CADM2: variants seen among roughly 807,000 people sequenced by gnomAD.
CADM2 encodes the protein cell adhesion molecule 2.
CADM2 carries 12 observed loss-of-function variants against 49.8 expected under a neutral mutation model. The observed-to-expected ratio is 0.24, with a 90% CI of 0.15 to 0.39. CADM2 has a LOEUF of 0.39. Ranked by LOEUF, CADM2 falls within the 10% of genes least tolerant of loss-of-function variation. CADM2 has a pLI of 1.00. For missense variants in CADM2, 378 were observed against 492.3 expected, an observed-to-expected ratio of 0.77 and a Z score of 2.20; for synonymous variants, 214 against 175.4, an observed-to-expected ratio of 1.22 and a Z score of -1.74.
Position 85,655,243 on chromosome 3 carries a change from C to T in CADM2, c.62-71279C>T, listed in dbSNP as rs535355871. Among the ~76,000 whole-genome samples, 16 of 152,144 alleles carry T rather than the reference C, an allele frequency of 1.1e-4. No individual in the cohort carries two copies. In the East Asian group the frequency reaches 1.7e-3, roughly 17 times the overall value. The stretch of plus-strand genomic sequence containing the variant: ...GATCTCAGCTTACTGGAATCTCTAC[C>T]TCCCAGGTTCAAGTGATTCTCCTGC... On this transcript the variant is annotated intron_variant, in intron 1 of 9. Transcript: ENST00000383699.
intron 1 of CADM2, among the ~76,000 whole-genome samples, chr3:85,615,364 T>C (rs1431070943): frequency 6.6e-6 from 1 of 152,066 alleles, no homozygotes; most frequent in Non-Finnish European, 1.5e-5. Flanking sequence ...TCAACCTTTG[T>C]AATCTGTCTA....
chr3:85,015,350 A>C (rs1235940785), intron 1 of CADM2, among the ~76,000 whole-genome samples: 1 of 152,160 alleles, frequency 6.6e-6, no homozygotes, highest in African/African-American at 2.4e-5. Flanking sequence ...AGTAGTTAAG[A>C]ACTTGTGATT....
At chr3:85,769,212 T>TATATAGTATATATACACACATATACAC (rs2069857469) in intron 2 of CADM2, among the ~76,000 whole-genome samples, 1 of 119,582 alleles carries the variant, frequency 8.4e-6, no homozygotes, top group South Asian at 2.4e-4. Flanking sequence ...CATATATACA[T>TATATAGTATATATACACACATATACAC]ATATAGTATA....
At chr3:85,870,690 A>C (rs1247468596) in intron 3 of CADM2, among the ~76,000 whole-genome samples, 1 of 152,196 alleles carries the variant, frequency 6.6e-6, no homozygotes, top group Non-Finnish European at 1.5e-5. Context: ...TGCTATTGTG[A>C]ATAGTGCTAC....
chr3:86,046,076 G>T (rs2875497), intron 8 of CADM2, among the ~76,000 whole-genome samples: 35,512 of 151,962 alleles, frequency 0.23, 4,588 homozygotes, highest in African/African-American at 0.34. Flanking sequence ...TGAACAAAAT[G>T]TAGCTGAATT....
chr3:85,907,290 C>G (rs528618232), intron 5 of CADM2, among the ~76,000 whole-genome samples: 99 of 152,230 alleles, frequency 6.5e-4, no homozygotes, highest in African/African-American at 2.4e-3. Flanking sequence ...CATCAAAAAC[C>G]ACTTTTACAA....
intron 2 of CADM2, among the ~76,000 whole-genome samples, chr3:85,756,664 T>C (rs534240143): frequency 2.6e-5 from 4 of 152,202 alleles, no homozygotes; most frequent in Non-Finnish European, 5.9e-5. Context: ...ATATGTAACC[T>C]ATTTATGAGG....
intron 3 of CADM2, among the ~76,000 whole-genome samples, chr3:85,845,770 A>C (rs146632775): frequency 3.3e-5 from 5 of 152,176 alleles, no homozygotes; most frequent in African/African-American, 7.2e-5. Flanking sequence ...CTACAACACT[A>C]TATGTAAATG....
intron 1 of CADM2, among the ~76,000 whole-genome samples, chr3:85,513,974 C>G (rs577108347): frequency 1.3e-5 from 2 of 152,128 alleles, no homozygotes; most frequent in African/African-American, 4.8e-5. Context: ...TTGTATATGT[C>G]TTTGCTCAAA....
At chr3:85,887,986 C>A (rs1015175070) in intron 5 of CADM2, among the ~76,000 whole-genome samples, 2 of 152,172 alleles carry the variant, frequency 1.3e-5, no homozygotes, top group Non-Finnish European at 2.9e-5. Flanking sequence ...AACTCTTACA[C>A]GTCACATATT....
intron 8 of CADM2, among the ~76,000 whole-genome samples, chr3:85,989,451 A>G (rs1728497496): frequency 2.0e-5 from 3 of 152,076 alleles, no homozygotes; most frequent in Admixed American, 1.3e-4. Flanking sequence ...CAAAATTCAG[A>G]CCACTTTTTT....
intron 1 of CADM2, among the ~76,000 whole-genome samples, chr3:85,383,529 T>TATATATATATAC (rs2034028814): frequency 7.1e-6 from 1 of 141,406 alleles, no homozygotes; most frequent in East Asian, 2.0e-4. Context: ...TATATATATA[T>TATATATATATAC]ATATATATAC....
At chr3:85,800,396 T>C (rs2071931060) in intron 2 of CADM2, 1 of 153,166 alleles carries the variant, frequency 6.5e-6, no homozygotes, top group Admixed American at 6.6e-5. Context: ...GAGTGAACAG[T>C]TCTGTCTTGC....
chr3:85,488,088 A>G (rs745716580), intron 1 of CADM2, among the ~76,000 whole-genome samples: 1 of 152,222 alleles, frequency 6.6e-6, no homozygotes, highest in Non-Finnish European at 1.5e-5. Flanking sequence ...TAATTTAGAT[A>G]GAATTTTATC....
At chr3:85,451,102 T>C (rs1213700179) in intron 1 of CADM2, among the ~76,000 whole-genome samples, 2 of 152,092 alleles carry the variant, frequency 1.3e-5, no homozygotes, top group African/African-American at 2.4e-5. Context: ...CTCATGATTC[T>C]AATTTTTCAA....
At chr3:85,616,351 T>C (rs6799195) in intron 1 of CADM2, among the ~76,000 whole-genome samples, 85,349 of 151,814 alleles carry the variant, frequency 0.56, 25,637 homozygotes, top group East Asian at 0.81. Context: ...TACATATAAA[T>C]AGCATTCAAA....
chr3:84,959,176 C>A lies in CADM2; in HGVS notation c.-432C>A. Reference sequence around the variant, plus strand: ...GAGCGGCAGTGCTGCTTGCTTGCTCCTCCTCTCCCCCAGCCCTTCCCCTCC... The same window carrying A: ...GAGCGGCAGTGCTGCTTGCTTGCTCATCCTCTCCCCCAGCCCTTCCCCTCC... On this transcript the variant is annotated 5_prime_UTR_variant, in exon 1 of 10. Transcript: ENST00000383699. 4.5e-6 allele frequency: 1 copy of A among 222,426 alleles called. No individual in the cohort carries two copies. The allele number at this position is 222,426 out of a possible 1,614,324, so 13.8% of individuals were successfully genotyped here.
chr3:85,856,441 T>C (rs12629798), intron 3 of CADM2, among the ~76,000 whole-genome samples: 11,436 of 152,230 alleles, frequency 0.075, 764 homozygotes, highest in African/African-American at 0.17. Flanking sequence ...CTTATTTAAT[T>C]ACCTAAGTTG....
Position 85,158,152 on chromosome 3 carries a change from C to T in CADM2, c.61+198484C>T, listed in dbSNP as rs1216796434. 5.9e-5 allele frequency among the ~76,000 whole-genome samples: 9 copies of T among 152,212 alleles called. No homozygotes were observed. The East Asian group carries it at 1.7e-3, about 29-fold the overall frequency. On this transcript the variant is annotated intron_variant, in intron 1 of 9. Coordinates refer to ENST00000383699, the MANE Select transcript of CADM2 (RefSeq NM_001167675.2). ...GAAACCACAATGAGATACCATCTCA[C>T]ACCAGTTAGAATGGCAATCATTAAA...
Sources: gnomAD v4.1 joint callset for allele counts (sites outside exome capture counted in the v4.1 genomes callset) on GRCh38, gnomAD v4.1.1 for gene constraint, MANE v1.5 for transcripts, NCBI Gene and HGNC (gene_info 2026-07-23, HGNC 2026-07-21) for gene names.